DPP6: variants seen among roughly 807,000 people sequenced by gnomAD.
DPP6 encodes the protein dipeptidyl peptidase like 6.
A neutral mutation model predicts 122.6 loss-of-function variants in DPP6; 69 were observed. The observed-to-expected ratio is 0.56, with a 90% CI of 0.46 to 0.69. The LOEUF is 0.69. DPP6 is among the 30% of genes least tolerant of loss of function. The probability of loss-of-function intolerance (pLI) is 0.00; values close to 1 mark genes in which losing one functional copy is unlikely to be tolerated. For missense variants in DPP6, 928 were observed against 1,116.9 expected, an observed-to-expected ratio of 0.83 and a Z score of 2.41; for synonymous variants, 418 against 433.1, an observed-to-expected ratio of 0.97 and a Z score of 0.43.
At chr7:153,895,318 G>T (rs1355313549) in intron 1 of DPP6, among the ~76,000 whole-genome samples, 2 of 152,188 alleles carry the variant, frequency 1.3e-5, no homozygotes, top group African/African-American at 2.4e-5. Context: ...CCTCTGAGGG[G>T]CCTCTGCAGG....
chr7:154,133,669 T>C (rs939749783), intron 1 of DPP6, among the ~76,000 whole-genome samples: 1 of 151,930 alleles, frequency 6.6e-6, no homozygotes, highest in African/African-American at 2.4e-5. Context: ...ACAGGAAAAA[T>C]GGCAGGGTGG....
intron 3 of DPP6, among the ~76,000 whole-genome samples, chr7:154,524,018 T>G (rs1586537278): frequency 6.6e-6 from 1 of 152,054 alleles, no homozygotes; most frequent in Non-Finnish European, 1.5e-5. Flanking sequence ...ATTAATCACC[T>G]CTTCTACACT....
At chr7:154,517,533 T>G (rs1826620212) in intron 3 of DPP6, among the ~76,000 whole-genome samples, 1 of 152,166 alleles carries the variant, frequency 6.6e-6, no homozygotes, top group Non-Finnish European at 1.5e-5. Context: ...TAGGCCTGTG[T>G]ATGTGAGTAT....
intron 1 of DPP6, among the ~76,000 whole-genome samples, chr7:153,992,403 A>ACTAC (rs1797221646): frequency 1.3e-5 from 2 of 151,710 alleles, no homozygotes; most frequent in Admixed American, 1.3e-4. Context: ...TGACACTTAT[A>ACTAC]ATATCTCTTT....
rs528558138 is a variant in DPP6, at chr7:154,406,469, G to A, written c.244-39745G>A. 1.2e-4 allele frequency among the ~76,000 whole-genome samples: 18 copies of A among 148,052 alleles called. 1 individual carries two copies. Among genetic ancestry groups the A allele is most frequent in the Middle Eastern group, 3.4e-3 (1 of 290 alleles). ...CACACGCACACATGCACATGCACAC[G>A]CACACGCATACACACACACACATGC... On this transcript the variant is annotated intron_variant, in intron 1 of 25. Coordinates refer to ENST00000377770, the MANE Select transcript of DPP6 (RefSeq NM_130797.4).
chr7:154,643,467 CT>C (rs61520162), intron 6 of DPP6, among the ~76,000 whole-genome samples: 42,622 of 116,910 alleles, frequency 0.36, 5,538 homozygotes, highest in East Asian at 0.44. Flanking sequence ...TGAGTAATTT[CT>C]TTTTTTTTTT....
intron 7 of DPP6, among the ~76,000 whole-genome samples, chr7:154,683,284 G>A (rs1563099993): frequency 6.6e-6 from 1 of 152,152 alleles, no homozygotes; most frequent in Non-Finnish European, 1.5e-5. Flanking sequence ...GTGAGTGTGA[G>A]GCCAACTGTG....
At chr7:154,031,171 T>C (rs1799209045) in intron 1 of DPP6, among the ~76,000 whole-genome samples, 1 of 152,096 alleles carries the variant, frequency 6.6e-6, no homozygotes, top group Non-Finnish European at 1.5e-5. Flanking sequence ...ACAATGATGA[T>C]GTGTGTTTAA....
intron 7 of DPP6, among the ~76,000 whole-genome samples, chr7:154,687,021 C>A (rs890271679): frequency 1.3e-5 from 2 of 152,004 alleles, no homozygotes; most frequent in Admixed American, 6.6e-5. Context: ...AACAATATAC[C>A]ATTTACATTT....
intron 6 of DPP6, among the ~76,000 whole-genome samples, chr7:154,666,243 A>T (rs1838158974): frequency 6.9e-6 from 1 of 145,028 alleles, no homozygotes; most frequent in African/African-American, 2.5e-5. Context: ...ACTATAACAC[A>T]TACTCTTGGG....
At chr7:154,735,694 G>C (rs1842540586) in intron 8 of DPP6, among the ~76,000 whole-genome samples, 1 of 152,194 alleles carries the variant, frequency 6.6e-6, no homozygotes, top group African/African-American at 2.4e-5. Flanking sequence ...AAGTTCAGTT[G>C]GCTCTGACCA....
chr7:154,133,672 C>T (rs1046186551), intron 1 of DPP6, among the ~76,000 whole-genome samples: 3 of 152,058 alleles, frequency 2.0e-5, no homozygotes, highest in Non-Finnish European at 4.4e-5. Flanking sequence ...GGAAAAATGG[C>T]AGGGTGGGGC....
chr7:154,181,183 G>A (rs531348564), intron 1 of DPP6, among the ~76,000 whole-genome samples: 3 of 152,182 alleles, frequency 2.0e-5, no homozygotes, highest in Non-Finnish European at 4.4e-5. Flanking sequence ...AAACACAAGA[G>A]CATGCCCCTG....
Position 154,101,279 on chromosome 7 carries a change from C to T in DPP6, c.243+48216C>T, listed in dbSNP as rs1055294971. On this transcript the variant is annotated intron_variant, in intron 1 of 25. Coordinates refer to ENST00000377770, the MANE Select transcript of DPP6 (RefSeq NM_130797.4). ...CAGCTTTCTCTGCAGTCTGAAAGACCTCGAAGAGAACAGACCTGCCTTATT... is the reference window on the plus strand; with the variant it reads ...CAGCTTTCTCTGCAGTCTGAAAGACTTCGAAGAGAACAGACCTGCCTTATT... Among the ~76,000 whole-genome samples the T allele has an allele frequency of 1.5e-5, 2 of 134,100 alleles. 1 individual carries two copies. The highest frequency in any genetic ancestry group is 3.4e-5 in the Non-Finnish European group (2 of 59,198). The allele number at this position is 134,100 out of a possible 152,430, so 88.0% of individuals were successfully genotyped here.
In DPP6 at chr7:154,032,866, C is replaced by CCCA. The variant is rs1447027957; in HGVS notation, c.51+145133_51+145134insCAC. On this transcript the variant is annotated intron_variant, in intron 1 of 25. Coordinates refer to the DPP6 transcript ENST00000404039. ...CCACCGACCCCATCCCCCATCCCCC[C>CCCA]CTACCCCCTTGTTGTGTGGGGCAAT... Among the ~76,000 whole-genome samples, 235 of 148,006 alleles carry CCCA rather than the reference C, an allele frequency of 1.6e-3. 1 individual carries two copies. Among genetic ancestry groups the CCCA allele is most frequent in the African/African-American group, 5.8e-3 (225 of 38,866 alleles).
intron 7 of DPP6, among the ~76,000 whole-genome samples, chr7:154,669,738 G>T (rs868033686): frequency 6.6e-5 from 10 of 152,182 alleles, no homozygotes; most frequent in South Asian, 2.1e-4. Context: ...GATGAATCAT[G>T]AGCTCAAAGA....
intron 2 of DPP6, among the ~76,000 whole-genome samples, chr7:154,465,649 A>T (rs2151326638): frequency 6.6e-6 from 1 of 152,356 alleles, no homozygotes; most frequent in Non-Finnish European, 1.5e-5. Flanking sequence ...AATCAAAACC[A>T]CAATGAGATA....
chr7:154,695,167 C>G (rs1840147064), intron 7 of DPP6, among the ~76,000 whole-genome samples: 1 of 152,140 alleles, frequency 6.6e-6, no homozygotes, highest in African/African-American at 2.4e-5. Flanking sequence ...GGGTAGCAGC[C>G]AGACTTGGGA....
chr7:154,525,019 A>G (rs972511911), intron 3 of DPP6, among the ~76,000 whole-genome samples: 1 of 152,234 alleles, frequency 6.6e-6, no homozygotes, highest in African/African-American at 2.4e-5. Context: ...TAGGATAATC[A>G]TGCTTCTAGC....
Sources: allele counts gnomAD v4.1 joint callset (sites outside exome capture counted in the v4.1 genomes callset), GRCh38; gene constraint gnomAD v4.1.1; transcripts MANE v1.5; gene names NCBI Gene and HGNC (gene_info 2026-07-23, HGNC 2026-07-21).